Variants in CAMTA1 observed in about 807,000 individuals in gnomAD.
The protein encoded by CAMTA1 is calmodulin-binding transcription activator 1.
In CAMTA1, 27 loss-of-function variants were observed where a neutral mutation model predicts 170.9. The ratio of observed to expected loss-of-function variants is 0.16; its 90% CI spans 0.12 to 0.22. The LOEUF is 0.22. Ranked by LOEUF, CAMTA1 falls within the 10% of genes least tolerant of loss-of-function variation. The pLI, the probability that CAMTA1 is intolerant of heterozygous loss-of-function variation, is 1.00. For synonymous variants in CAMTA1, 833 were observed against 891.5 expected (o/e 0.93, Z 1.17); for missense variants, 1,619 against 2,217.2 (o/e 0.73, Z 5.42).
Position 7,426,045 on chromosome 1 carries a change from G to A in CAMTA1, c.439-41785G>A, listed in dbSNP as rs78236214. ...ATGCTTGAGATCACAGGTGAGCTGC[G>A]GTCCTGGAAAAGGTGGCAGGGTAGG... On this transcript the variant is annotated intron_variant, in intron 5 of 22. Coordinates refer to ENST00000303635, the MANE Select transcript of CAMTA1 (RefSeq NM_015215.4). The surrounding 1 kb of genome is among the most constrained non-coding windows in gnomAD (Gnocchi z 4.8). 0.016 allele frequency among the ~76,000 whole-genome samples: 2,360 copies of A among 152,230 alleles called. 73 individuals carry two copies. The highest frequency in any genetic ancestry group is 0.053 in the African/African-American group (2,213 of 41,490).
At chr1:7,525,442 G>A (rs1190278200) in intron 6 of CAMTA1, among the ~76,000 whole-genome samples, 1 of 151,950 alleles carries the variant, frequency 6.6e-6, no homozygotes, top group Non-Finnish European at 1.5e-5. Flanking sequence ...TGATGTTCTT[G>A]TGTGTGTTTT....
At chr1:6,843,468 C>G (rs1015183822) in intron 3 of CAMTA1, among the ~76,000 whole-genome samples, 1 of 152,206 alleles carries the variant, frequency 6.6e-6, no homozygotes, top group African/African-American at 2.4e-5. Flanking sequence ...GAGGTTAGCT[C>G]AAACCTGATA....
Position 6,855,694 on chromosome 1 carries a change from G to A in CAMTA1, c.234+30484G>A, listed in dbSNP as rs527946910. Reference sequence around the variant, plus strand: ...AAACTTCATCACCAGTAAATTGAAAGCAGCGTTTAATGTGGATAATTACTA... The same window carrying A: ...AAACTTCATCACCAGTAAATTGAAAACAGCGTTTAATGTGGATAATTACTA... On this transcript the variant is annotated intron_variant, in intron 3 of 22. Coordinates refer to ENST00000303635, the MANE Select transcript of CAMTA1 (RefSeq NM_015215.4). 6.6e-5 allele frequency among the ~76,000 whole-genome samples: 10 copies of A among 152,256 alleles called. No individual in the cohort carries two copies. In the South Asian group the frequency reaches 1.9e-3, roughly 28 times the overall value.
intron 5 of CAMTA1, among the ~76,000 whole-genome samples, chr1:7,270,757 G>A (rs1161031606): frequency 2.0e-5 from 3 of 152,186 alleles, no homozygotes; most frequent in Non-Finnish European, 4.4e-5. Flanking sequence ...GAGGGAGGAG[G>A]ATTGTTTGAG....
intron 3 of CAMTA1, among the ~76,000 whole-genome samples, chr1:6,854,223 G>T (rs898741706): frequency 1.3e-5 from 2 of 152,172 alleles, no homozygotes; most frequent in African/African-American, 4.8e-5. Flanking sequence ...GTGTCATAGT[G>T]TAACACATTA....
chr1:7,165,254 G>C (rs1266663690), intron 4 of CAMTA1, among the ~76,000 whole-genome samples: 1 of 152,172 alleles, frequency 6.6e-6, no homozygotes, highest in African/African-American at 2.4e-5. Flanking sequence ...GACAAGCATA[G>C]AGAATAATGT....
At chr1:7,472,004 T>C (rs780572597) in intron 6 of CAMTA1, among the ~76,000 whole-genome samples, 4 of 152,268 alleles carry the variant, frequency 2.6e-5, no homozygotes, top group Non-Finnish European at 4.4e-5. Context: ...TTTGTGCCCT[T>C]GTCCTCTAAA....
At chr1:6,789,970 C>G (rs987287145) in intron 1 of CAMTA1, among the ~76,000 whole-genome samples, 1 of 151,254 alleles carries the variant, frequency 6.6e-6, no homozygotes, top group African/African-American at 2.4e-5. Flanking sequence ...CCACCATGTC[C>G]GGCTAATTTT....
At chr1:7,347,090 GA>G (rs2084277847) in intron 5 of CAMTA1, among the ~76,000 whole-genome samples, 2 of 152,230 alleles carry the variant, frequency 1.3e-5, no homozygotes, top group Admixed American at 1.3e-4. Flanking sequence ...AAGAGATTCT[GA>G]GCTATTTATG....
intron 18 of CAMTA1, 38 bp from the exon 19 acceptor site, chr1:7,747,672 T>G: frequency 6.9e-7 from 1 of 1,441,752 alleles, no homozygotes; most frequent in Non-Finnish European, 9.6e-7. Flanking sequence ...TGGTAGTTAA[T>G]CATTACTGAT....
chr1:6,944,458 C>T (rs1053842290), intron 3 of CAMTA1, among the ~76,000 whole-genome samples: 6 of 152,160 alleles, frequency 3.9e-5, no homozygotes, highest in African/African-American at 1.4e-4. Flanking sequence ...CACCCCATCA[C>T]GTCCTGCAGC....
At chr1:7,564,281 C>T (rs1052317031) in intron 6 of CAMTA1, among the ~76,000 whole-genome samples, 4 of 152,212 alleles carry the variant, frequency 2.6e-5, no homozygotes, top group Admixed American at 6.5e-5. Flanking sequence ...GAGGAGGAGA[C>T]GCCAACTCAG....
intron 3 of CAMTA1, among the ~76,000 whole-genome samples, chr1:6,864,514 C>T (rs1051429472): frequency 3.3e-5 from 5 of 152,194 alleles, no homozygotes; most frequent in African/African-American, 1.2e-4. Flanking sequence ...GTCTGCCAGG[C>T]CTGCTTAAGC....
intron 3 of CAMTA1, among the ~76,000 whole-genome samples, chr1:6,968,507 G>A (rs1022367172): frequency 3.3e-5 from 5 of 152,138 alleles, no homozygotes; most frequent in Non-Finnish European, 4.4e-5. Flanking sequence ...TGCCTACTGC[G>A]TGCCAGGTGC....
intron 3 of CAMTA1, among the ~76,000 whole-genome samples, chr1:6,978,397 G>A (rs1221187471): frequency 6.6e-6 from 1 of 152,132 alleles, no homozygotes; most frequent in East Asian, 1.9e-4. Context: ...ACTTTGGGAG[G>A]TTGAGGTGGG....
Position 7,585,339 on chromosome 1 carries a change from C to A in CAMTA1, c.511-55061C>A, listed in dbSNP as rs2095300270. ...TCTGCGGAGGGGCACCTGGCAGAGCCCTGAGAGCGGTGGGATGGGCTGGGA... is the reference window on the plus strand; with the variant it reads ...TCTGCGGAGGGGCACCTGGCAGAGCACTGAGAGCGGTGGGATGGGCTGGGA... On this transcript the variant is annotated intron_variant, in intron 6 of 22. Transcript: ENST00000303635. This position sits in a 1 kb window ranked among gnomAD's most constrained non-coding sequence, Gnocchi z 4.8. Among the ~76,000 whole-genome samples the A allele has an allele frequency of 3.9e-5, 6 of 152,104 alleles. No homozygotes were observed. The highest frequency in any genetic ancestry group is 3.9e-4 in the Admixed American group (6 of 15,282).
At chr1:7,571,620 A>G (rs930460485) in intron 6 of CAMTA1, among the ~76,000 whole-genome samples, 2 of 152,174 alleles carry the variant, frequency 1.3e-5, no homozygotes, top group Non-Finnish European at 2.9e-5. Context: ...TAGTCTGCTT[A>G]GGAAATGGCC....
At chr1:7,399,073 A>T (rs1318770937) in intron 5 of CAMTA1, among the ~76,000 whole-genome samples, 1 of 151,910 alleles carries the variant, frequency 6.6e-6, no homozygotes, top group Non-Finnish European at 1.5e-5. Flanking sequence ...TGTCCCTCAA[A>T]CCTCATGCTG....
At chr1:6,928,256 G>C (rs1017883367) in intron 3 of CAMTA1, among the ~76,000 whole-genome samples, 2 of 152,338 alleles carry the variant, frequency 1.3e-5, no homozygotes, top group East Asian at 3.9e-4. Flanking sequence ...TCAGAGCAGA[G>C]AATTCCCTTT....
Sources: allele counts gnomAD v4.1 joint callset (sites outside exome capture counted in the v4.1 genomes callset), GRCh38; gene constraint gnomAD v4.1.1; non-coding constraint Gnocchi (gnomAD v3.1); transcripts MANE v1.5; gene names NCBI Gene and HGNC (gene_info 2026-07-23, HGNC 2026-07-21).